Variants in GSAP observed in about 807,000 individuals in gnomAD.
The protein encoded by GSAP is gamma-secretase-activating protein.
GSAP carries 118 observed loss-of-function variants against 131.7 expected under a neutral mutation model. The observed-to-expected ratio is 0.90, with a 90% CI of 0.77 to 1.04. GSAP has a LOEUF of 1.04. GSAP is among the 50% of genes least tolerant of loss of function. The pLI, the probability that GSAP is intolerant of heterozygous loss-of-function variation, is 0.00. For missense variants in GSAP, 1,019 were observed against 1,013.2 expected (o/e 1.01, Z -0.08); for synonymous variants, 381 against 363.4 (o/e 1.05, Z -0.55).
intron 1 of GSAP, among the ~76,000 whole-genome samples, chr7:77,413,496 T>C (rs960613209): frequency 6.6e-6 from 1 of 152,230 alleles, no homozygotes; most frequent in Non-Finnish European, 1.5e-5. Context: ...TCCACCATCG[T>C]GTTGAATTCA....
At chr7:77,376,775 CAA>C (rs10649095) in intron 10 of GSAP, 71 bp downstream of exon 10, 25,043 of 439,730 alleles carry the variant, frequency 0.057, 5 homozygotes, top group Middle Eastern at 0.068. Flanking sequence ...GACTCCATCT[CAA>C]AAAAAAAAAA....
chr7:77,369,280 C>G (rs1795776373), intron 12 of GSAP, among the ~76,000 whole-genome samples: 1 of 152,150 alleles, frequency 6.6e-6, no homozygotes, highest in South Asian at 2.1e-4. Flanking sequence ...GATATGCTTT[C>G]AATGCTTAGA....
chr7:77,374,993 A>G, intron 11 of GSAP, 65 bp downstream of exon 11: 1 of 777,498 alleles, frequency 1.3e-6, no homozygotes, highest in Non-Finnish European at 2.2e-6. Context: ...ATAATGTACG[A>G]ATAAATATAA....
intron 24 of GSAP, among the ~76,000 whole-genome samples, chr7:77,321,668 C>T (rs4729324): frequency 0.24 from 37,171 of 152,074 alleles, 6,009 homozygotes; most frequent in East Asian, 0.5. Flanking sequence ...CTAACTGGCC[C>T]CACCACTCAC....
chr7:77,398,090 T>C (rs1244992760), intron 3 of GSAP, among the ~76,000 whole-genome samples: 3 of 152,134 alleles, frequency 2.0e-5, no homozygotes, highest in East Asian at 3.9e-4. Flanking sequence ...GATGTAGAGA[T>C]TGAGGAACTA....
chr7:77,324,147 G>A (rs1788011052), intron 23 of GSAP, among the ~76,000 whole-genome samples: 1 of 152,212 alleles, frequency 6.6e-6, no homozygotes, highest in East Asian at 1.9e-4. Flanking sequence ...GCCAATGGGG[G>A]CAACAGTTTT....
At chr7:77,401,867 AT>A (rs1801376933) in intron 3 of GSAP, among the ~76,000 whole-genome samples, 1 of 152,224 alleles carries the variant, frequency 6.6e-6, no homozygotes, top group Non-Finnish European at 1.5e-5. Context: ...AACTGGTAAA[AT>A]TTCAACACCA....
chr7:77,408,437 G>A (rs1431521618), intron 1 of GSAP, among the ~76,000 whole-genome samples: 3 of 151,982 alleles, frequency 2.0e-5, no homozygotes, highest in African/African-American at 7.3e-5. Context: ...AGTGGCTCAC[G>A]CCTGTAATCC....
Position 77,349,343 on chromosome 7 carries a change from G to C in GSAP, c.1545+8C>G. ...CTGTACTTTTGTTTCTTGCTGTAAG[G>C]GACCTACCTTCATAAGAGGCAATGC... On this transcript the variant is annotated splice_region_variant and intron_variant, in intron 19 of 30. Transcript: ENST00000257626. 6.3e-7 allele frequency: 1 copy of C among 1,599,192 alleles called. No homozygotes were observed. The highest frequency in any genetic ancestry group is 8.6e-7 in the Non-Finnish European group (1 of 1,166,682).
At chr7:77,414,675 CA>C (rs1803952689) in intron 1 of GSAP, among the ~76,000 whole-genome samples, 1 of 152,144 alleles carries the variant, frequency 6.6e-6, no homozygotes, top group African/African-American at 2.4e-5. Context: ...ATTACGGAAA[CA>C]TAAGACTGTG....
chr7:77,384,961 A>T (rs1027092051), intron 6 of GSAP, among the ~76,000 whole-genome samples: 1 of 152,032 alleles, frequency 6.6e-6, no homozygotes, highest in Admixed American at 6.6e-5. Flanking sequence ...CAGAATTAGT[A>T]CAAGTTTTAC....
intron 12 of GSAP, among the ~76,000 whole-genome samples, chr7:77,369,901 C>T (rs560719375): frequency 4.1e-5 from 5 of 121,908 alleles, no homozygotes; most frequent in African/African-American, 1.9e-4. Context: ...ATTTGAAACA[C>T]GTTTTTTTAT....
intron 19 of GSAP, among the ~76,000 whole-genome samples, chr7:77,345,409 C>T (rs901553296): frequency 6.6e-6 from 1 of 152,106 alleles, no homozygotes; most frequent in Non-Finnish European, 1.5e-5. Context: ...CACTTCAATG[C>T]TATTTTATGT....
rs764458492 is a variant in GSAP at position 77,404,560 on chromosome 7, T to C, written c.242A>G (p.Glu81Gly). ...CAATGAGTAATCTATGATTTTTACC[T>C]CATTTTGTCTGGTTTGACAATCATA... ...GLYDCQTRQN[E>G]LLYTFEKDLQ... The change falls in exon 3 of 31, where the codon GAG becomes GGG. Residue 81 changes from glutamate to glycine, a missense_variant and splice_region_variant. Glu to Gly is a moderately conservative substitution (Grantham distance 98, BLOSUM62 -2). Coordinates refer to ENST00000257626, the MANE Select transcript of GSAP (RefSeq NM_017439.4). 2.6e-6 allele frequency: 4 copies of C among 1,528,776 alleles called. No individual in the cohort carries two copies. The highest frequency in any genetic ancestry group is 1.1e-5 in the South Asian group (1 of 88,630). The allele number at this position is 1,528,776 out of a possible 1,614,324, so 94.7% of individuals were successfully genotyped here.
At chr7:77,381,560 T>C (rs1414028017) in intron 7 of GSAP, among the ~76,000 whole-genome samples, 1 of 152,176 alleles carries the variant, frequency 6.6e-6, no homozygotes, top group African/African-American at 2.4e-5. Flanking sequence ...CCTTTACAGT[T>C]AATTTCAAGT....
chr7:77,388,866 C>G (rs1798966963), intron 5 of GSAP, among the ~76,000 whole-genome samples: 1 of 152,186 alleles, frequency 6.6e-6, no homozygotes, highest in African/African-American at 2.4e-5. Context: ...TTGAAAAAGA[C>G]AGTAAGTGAG....
intron 5 of GSAP, among the ~76,000 whole-genome samples, chr7:77,389,353 A>G (rs1291747939): frequency 6.7e-6 from 1 of 150,364 alleles, no homozygotes; most frequent in African/African-American, 2.4e-5. Flanking sequence ...CCTGGTTAAC[A>G]TAGTGAAATG....
rs764839368 is a variant in GSAP at position 77,376,926 on chromosome 7, T to C, written c.682-19A>G. ...TTGATTTCTAAAAGAGAAAACAGAATGGCATATTAAAAAACCAGGAAAAAA... is the reference window on the plus strand; with the variant it reads ...TTGATTTCTAAAAGAGAAAACAGAACGGCATATTAAAAAACCAGGAAAAAA... On this transcript the variant is annotated intron_variant, in intron 9 of 30. Coordinates refer to ENST00000257626, the MANE Select transcript of GSAP (RefSeq NM_017439.4). 3.0e-6 allele frequency: 4 copies of C among 1,317,320 alleles called. No individual in the cohort carries two copies. Among genetic ancestry groups the C allele is most frequent in the Non-Finnish European group, 4.2e-6 (4 of 946,050 alleles). 81.6% of individuals were successfully genotyped at this position (1,317,320 alleles called of 1,614,324 possible).
intron 23 of GSAP, among the ~76,000 whole-genome samples, chr7:77,325,204 C>G (rs1412092697): frequency 6.6e-6 from 1 of 152,016 alleles, no homozygotes; most frequent in East Asian, 1.9e-4. Context: ...TGAGATTTTT[C>G]TTTTACTATT....
Sources: gnomAD v4.1 joint callset for allele counts (sites outside exome capture counted in the v4.1 genomes callset) on GRCh38, gnomAD v4.1.1 for gene constraint, MANE v1.5 for transcripts, NCBI Gene and HGNC (gene_info 2026-07-23, HGNC 2026-07-21) for gene names.